Variants in ITFG1 observed in about 807,000 individuals in gnomAD.
ITFG1 encodes integrin alpha FG-GAP repeat containing 1, also known as T-cell immunomodulatory protein.
In ITFG1, 34 loss-of-function variants were observed where a neutral mutation model predicts 81.8. That is an observed-to-expected ratio of 0.42 (90% CI 0.32 to 0.55). ITFG1 has a LOEUF of 0.55. ITFG1 is among the 20% of genes least tolerant of loss of function. The probability of loss-of-function intolerance (pLI) is 0.17; values close to 1 mark genes in which losing one functional copy is unlikely to be tolerated. For missense variants in ITFG1, 672 were observed against 755.4 expected, an observed-to-expected ratio of 0.89 and a Z score of 1.29; for synonymous variants, 285 against 270.6, an observed-to-expected ratio of 1.05 and a Z score of -0.52.
intron 5 of ITFG1, among the ~76,000 whole-genome samples, chr16:47,443,878 C>T (rs1022728793): frequency 6.6e-6 from 1 of 151,722 alleles, no homozygotes; most frequent in Non-Finnish European, 1.5e-5. Flanking sequence ...GCACATGTAC[C>T]CTAAAACTTA....
At chr16:47,301,686 G>A (rs73541010) in intron 10 of ITFG1, among the ~76,000 whole-genome samples, 10,600 of 152,154 alleles carry the variant, frequency 0.07, 610 homozygotes, top group African/African-American at 0.15. Context: ...GTGAGCCATC[G>A]TGCCCAGCTA....
chr16:47,260,838 G>T, intron 10 of ITFG1, 143 bp from the exon 11 acceptor site: 1 of 894,470 alleles, frequency 1.1e-6, no homozygotes, highest in Non-Finnish European at 1.7e-6. Flanking sequence ...TTTGTTTATA[G>T]TACTGTCATT....
At chr16:47,414,617 T>C (rs1041162113) in intron 6 of ITFG1, among the ~76,000 whole-genome samples, 19 of 152,050 alleles carry the variant, frequency 1.2e-4, no homozygotes, top group Admixed American at 5.9e-4. Flanking sequence ...GGTCAATCCA[T>C]ATGTGTCAAT....
chr16:47,309,618 A>G (rs1225282589), intron 10 of ITFG1, among the ~76,000 whole-genome samples: 2 of 152,184 alleles, frequency 1.3e-5, no homozygotes, highest in Admixed American at 1.3e-4. Context: ...CTATCCTTCA[A>G]TTCTCATCCA....
At chr16:47,348,272 G>C (rs1421074114) in intron 8 of ITFG1, among the ~76,000 whole-genome samples, 1 of 152,190 alleles carries the variant, frequency 6.6e-6, no homozygotes, top group Admixed American at 6.5e-5. Context: ...CGAGCTAAAG[G>C]AGGAAGTTTG....
At chr16:47,239,646 T>G (rs542221924) in intron 12 of ITFG1, among the ~76,000 whole-genome samples, 10 of 152,296 alleles carry the variant, frequency 6.6e-5, no homozygotes, top group African/African-American at 2.4e-4. Flanking sequence ...TAAATACAAC[T>G]TGAGGAAACA....
chr16:47,275,902 A>G (rs1966393207), intron 10 of ITFG1, among the ~76,000 whole-genome samples: 1 of 152,138 alleles, frequency 6.6e-6, no homozygotes, highest in African/African-American at 2.4e-5. Flanking sequence ...TAAAATAAAA[A>G]GTACTGTACT....
intron 8 of ITFG1, among the ~76,000 whole-genome samples, chr16:47,333,871 A>C (rs1435358958): frequency 6.6e-6 from 1 of 152,226 alleles, no homozygotes; most frequent in African/African-American, 2.4e-5. Context: ...GAAAAATATA[A>C]TGGTTTCAAC....
intron 14 of ITFG1, among the ~76,000 whole-genome samples, chr16:47,163,785 G>C (rs1323316379): frequency 6.6e-6 from 1 of 151,978 alleles, no homozygotes; most frequent in East Asian, 1.9e-4. Context: ...TTTTTGTTGT[G>C]TCTTTTGTAT....
At chr16:47,413,981 C>T (rs1007067855) in intron 6 of ITFG1, among the ~76,000 whole-genome samples, 12 of 151,900 alleles carry the variant, frequency 7.9e-5, no homozygotes, top group African/African-American at 1.9e-4. Context: ...CCCCCATGCC[C>T]GGCTAATTTT....
chr16:47,169,003 T>C (rs3095621), intron 14 of ITFG1, among the ~76,000 whole-genome samples: 151,976 of 152,298 alleles, frequency 1, 75,827 homozygotes, highest in Non-Finnish European at 1. Flanking sequence ...ATTGAATGGT[T>C]GTGGTACTCC....
chr16:47,221,462 G>A (rs909495879), intron 13 of ITFG1, among the ~76,000 whole-genome samples: 1 of 152,162 alleles, frequency 6.6e-6, no homozygotes, highest in Admixed American at 6.5e-5. Flanking sequence ...TAAGCTTTTT[G>A]ATGTGCTGCT....
At chr16:47,363,938 A>G (rs1968143006) in intron 8 of ITFG1, among the ~76,000 whole-genome samples, 1 of 152,168 alleles carries the variant, frequency 6.6e-6, no homozygotes, top group South Asian at 2.1e-4. Context: ...TTATCAACTG[A>G]ATGGTAAATT....
intron 8 of ITFG1, among the ~76,000 whole-genome samples, chr16:47,352,296 T>C (rs568981335): frequency 2.7e-4 from 41 of 152,290 alleles, no homozygotes; most frequent in African/African-American, 9.9e-4. Flanking sequence ...AGAAAAGTTT[T>C]GCAATCTACT....
chr16:47,306,902 G>A (rs1369840975), intron 10 of ITFG1, among the ~76,000 whole-genome samples: 1 of 151,626 alleles, frequency 6.6e-6, no homozygotes, highest in Non-Finnish European at 1.5e-5. Flanking sequence ...AGACCATCCT[G>A]GCTAACATGG....
intron 14 of ITFG1, among the ~76,000 whole-genome samples, chr16:47,213,418 G>A (rs1007803627): frequency 4.6e-5 from 7 of 152,066 alleles, no homozygotes; most frequent in Non-Finnish European, 7.3e-5. Context: ...ATGTCTACTA[G>A]ATCCTGTTGG....
Position 47,309,476 on chromosome 16 carries a change from C to T in ITFG1, c.1070+1764G>A, listed in dbSNP as rs560081286. 8.0e-4 allele frequency among the ~76,000 whole-genome samples: 122 copies of T among 152,262 alleles called. 1 individual carries two copies. Among genetic ancestry groups the T allele is most frequent in the African/African-American group, 2.8e-3 (116 of 41,562 alleles). ...GAAAATGATCTAACAAGGTCTAGAA[C>T]ATTAATTTTCATATGATTTGTCAAA... is the stretch of plus-strand genomic sequence containing the variant. On this transcript the variant is annotated intron_variant, in intron 10 of 17. Transcript: ENST00000320640.
chr16:47,386,443 T>C (rs1463755525), intron 6 of ITFG1, among the ~76,000 whole-genome samples: 1 of 152,162 alleles, frequency 6.6e-6, no homozygotes, highest in East Asian at 1.9e-4. Context: ...CAGGCCACCA[T>C]TTCTCATCTC....
chr16:47,460,535 G>GTGAT (rs1969518631), intron 1 of ITFG1, among the ~76,000 whole-genome samples: 1 of 152,160 alleles, frequency 6.6e-6, no homozygotes, highest in African/African-American at 2.4e-5. Flanking sequence ...TGGAAAACAG[G>GTGAT]TGATTCCATG....
Sources: gnomAD v4.1 joint callset for allele counts (sites outside exome capture counted in the v4.1 genomes callset) on GRCh38, gnomAD v4.1.1 for gene constraint, MANE v1.5 for transcripts, NCBI Gene and HGNC (gene_info 2026-07-23, HGNC 2026-07-21) for gene names.